C12orf50: variants seen among roughly 807,000 people sequenced by gnomAD.
C12orf50 encodes zinc finger CCCH-type containing 11D, also known as uncharacterized protein C12orf50.
Under a neutral mutation model 61.6 loss-of-function variants are expected in C12orf50, and 35 were observed. The observed-to-expected ratio is 0.57, with a 90% CI of 0.43 to 0.75. The LOEUF (loss-of-function observed/expected upper bound fraction) is 0.75. Ranked by LOEUF, C12orf50 falls within the 30% of genes least tolerant of loss-of-function variation. The pLI is 0.00. For missense variants in C12orf50, 475 were observed against 488.5 expected, an observed-to-expected ratio of 0.97 and a Z score of 0.26; for synonymous variants, 178 against 161.5, an observed-to-expected ratio of 1.10 and a Z score of -0.77.
intron 1 of C12orf50, 191 bp downstream of exon 1, chr12:88,029,149 G>GTT (rs745556918): frequency 1.8e-3 from 1,825 of 1,008,864 alleles, no homozygotes; most frequent in South Asian, 2.9e-3. Context: ...TAATCCAATG[G>GTT]TTTTTTTTTT....
chr12:88,007,761 TGAA>T (rs1258816824), intron 3 of C12orf50, among the ~76,000 whole-genome samples: 1 of 152,172 alleles, frequency 6.6e-6, no homozygotes, highest in Non-Finnish European at 1.5e-5. Flanking sequence ...ATTCACCTAA[TGAA>T]GAGGTAATTT....
At chr12:88,024,187 A>C (rs1157763361) in intron 3 of C12orf50, among the ~76,000 whole-genome samples, 1 of 152,214 alleles carries the variant, frequency 6.6e-6, no homozygotes, top group Admixed American at 6.5e-5. Flanking sequence ...GTAGGAATGT[A>C]AATTGGTCCA....
Position 87,987,931 on chromosome 12 carries a change from T to C in C12orf50, c.736A>G (p.Thr246Ala). The change falls in exon 9 of 13, where the codon ACT (threonine) becomes GCT (alanine). Residue 246 changes from threonine to alanine, a missense_variant. Coordinates refer to ENST00000298699, the MANE Select transcript of C12orf50 (RefSeq NM_152589.3). ...TGCGTTGTAGGTACTAGTCGGGTAG[T>C]TAGGGAATGCTTTGGATGAGGACTG... is the stretch of plus-strand genomic sequence containing the variant. ...KDSPHPKHSL[T>A]TRLVPTTHVL... 6.2e-7 allele frequency: 1 copy of C among 1,611,034 alleles called. No individual in the cohort carries two copies. The highest frequency in any genetic ancestry group is 1.7e-4 in the Middle Eastern group (1 of 6,046).
intron 6 of C12orf50, among the ~76,000 whole-genome samples, chr12:87,995,894 AG>A (rs2031365154): frequency 6.6e-6 from 1 of 152,234 alleles, no homozygotes. Flanking sequence ...CGCCATAAAA[AG>A]CAGAGCCTTC....
Position 87,985,911 on chromosome 12 carries a change from G to A in C12orf50, c.1065C>T (p.Pro355=). 1 of 1,613,788 alleles carries A rather than the reference G, an allele frequency of 6.2e-7. No individual in the cohort carries two copies. Among genetic ancestry groups the A allele is most frequent in the Non-Finnish European group, 8.5e-7 (1 of 1,179,884 alleles). The change falls in exon 11 of 13, where the codon CCC becomes CCT. Residue 355 remains proline (P), a synonymous_variant. Transcript: ENST00000298699. The part of the protein sequence containing the change: ...VALNAPSRSR[P]THGSYNKVHA... Reference sequence around the variant, plus strand: ...GGACTTTATTGTAGGACCCATGCGTGGGCCTGCTGCGGGAAGGTGCATTCA... The same window carrying A: ...GGACTTTATTGTAGGACCCATGCGTAGGCCTGCTGCGGGAAGGTGCATTCA...
chr12:88,021,098 CAACTT>C (rs967931781), intron 3 of C12orf50, among the ~76,000 whole-genome samples: 3 of 152,030 alleles, frequency 2.0e-5, no homozygotes, highest in African/African-American at 7.2e-5. Context: ...CTCAAATTAA[CAACTT>C]AACATCACAA....
chr12:87,988,627 C>T (rs1460094828), intron 8 of C12orf50, among the ~76,000 whole-genome samples: 2 of 152,038 alleles, frequency 1.3e-5, no homozygotes, highest in South Asian at 2.1e-4. Context: ...CAATTTTCCA[C>T]GAAAATGATT....
Position 87,983,194 on chromosome 12 carries a change from G to T in C12orf50, c.1128C>A (p.Asp376Glu), listed in dbSNP as rs150278833. ...NREPKPNLSP[D>E]KYTSTSYNDS... ...CATTATATGATGTTGACGTATATTT[G>T]TCTGAGGGAAAAAAATCCAGAATTA... Residue 376 changes from aspartate to glutamate, a missense_variant and splice_region_variant, in exon 12 of 13, where the codon GAC (aspartate) becomes GAA (glutamate). By Grantham distance (45) the Asp-to-Glu change is conservative (BLOSUM62 2). Coordinates refer to ENST00000298699, the MANE Select transcript of C12orf50 (RefSeq NM_152589.3). 1 of 1,575,718 alleles carries T rather than the reference G, an allele frequency of 6.3e-7. No individual in the cohort carries two copies.
intron 8 of C12orf50, among the ~76,000 whole-genome samples, chr12:87,988,362 G>T: frequency 6.6e-6 from 1 of 152,114 alleles, no homozygotes; most frequent in South Asian, 2.1e-4. Flanking sequence ...CCTTAGTAGG[G>T]CTTTCCACAA....
At chr12:88,021,721 G>A (rs570274635) in intron 3 of C12orf50, among the ~76,000 whole-genome samples, 3 of 151,858 alleles carry the variant, frequency 2.0e-5, no homozygotes, top group African/African-American at 7.2e-5. Context: ...CACCTCTATG[G>A]GTACAAACTA....
In C12orf50 at chr12:87,994,625, TAACTC is replaced by T. The variant is rs771616901; in HGVS notation, c.592+3_592+7del. 2 of 1,569,070 alleles carry T rather than the reference TAACTC, an allele frequency of 1.3e-6. No homozygotes were observed. Among genetic ancestry groups the T allele is most frequent in the Admixed American group, 1.7e-5 (1 of 59,766 alleles). On this transcript the variant is annotated splice_donor_5th_base_variant and intron_variant, in intron 7 of 12. Transcript: ENST00000298699. ...TATTCAGGGTCAATCAGTAATAAATTAACTCACCTCCATTTTCAAAAGCAGCAATG... is the reference window on the plus strand; with the variant it reads ...TATTCAGGGTCAATCAGTAATAAATTACCTCCATTTTCAAAAGCAGCAATG...
At chr12:87,995,705 AGCAGTGCTG>A (rs1257919798) in intron 6 of C12orf50, among the ~76,000 whole-genome samples, 1 of 151,936 alleles carries the variant, frequency 6.6e-6, no homozygotes, top group African/African-American at 2.4e-5. Context: ...TTCTTCTCTG[AGCAGTGCTG>A]GCCTGCAATC....
At chr12:88,027,126 C>A in intron 1 of C12orf50, 56 bp from the exon 2 acceptor site, 1 of 1,499,752 alleles carries the variant, frequency 6.7e-7, no homozygotes. Flanking sequence ...TAGTGTTCAA[C>A]AACAATAGGT....
rs1429296097 is a variant in C12orf50 at position 87,987,943 on chromosome 12, T to A, written c.724A>T (p.Lys242Ter). 1 of 1,608,254 alleles carries A rather than the reference T, an allele frequency of 6.2e-7. No individual in the cohort carries two copies. The highest frequency in any genetic ancestry group is 2.2e-5 in the East Asian group (1 of 44,746). The change falls in exon 9 of 13, where the codon AAG becomes TAG. Residue 242 changes from lysine (K) to a stop codon, truncating the protein, a stop_gained. Coordinates refer to ENST00000298699, the MANE Select transcript of C12orf50 (RefSeq NM_152589.3). LOFTEE classifies it high-confidence loss of function. The part of the protein sequence containing the change: ...TKDNKDSPHP[K>*]HSLTTRLVPT... ...ACTAGTCGGGTAGTTAGGGAATGCT[T>A]TGGATGAGGACTGTCCTTGTTATCT...
intron 9 of C12orf50, 103 bp downstream of exon 9, chr12:87,987,747 C>T (rs1055742957): frequency 3.9e-6 from 3 of 775,870 alleles, no homozygotes; most frequent in Non-Finnish European, 6.4e-6. Context: ...AATTTTTAAA[C>T]CTTTTTTCTT....
chr12:88,015,317 A>G (rs2032271702), intron 3 of C12orf50, among the ~76,000 whole-genome samples: 1 of 152,264 alleles, frequency 6.6e-6, no homozygotes, highest in South Asian at 2.1e-4. Flanking sequence ...TGGCTTTTCA[A>G]AACTTTAACT....
At chr12:88,012,050 G>A (rs990805587) in intron 3 of C12orf50, among the ~76,000 whole-genome samples, 16 of 152,170 alleles carry the variant, frequency 1.1e-4, no homozygotes, top group Admixed American at 8.5e-4. Context: ...AACCAACAGA[G>A]CTGTTTTGTT....
At chr12:88,026,645 G>C (rs777250150) in intron 2 of C12orf50, 37 bp from the exon 3 acceptor site, 9 of 1,605,506 alleles carry the variant, frequency 5.6e-6, no homozygotes, top group South Asian at 3.3e-5. Context: ...GTAATGATTA[G>C]ATGCCATATT....
intron 3 of C12orf50, 63 bp downstream of exon 3, chr12:88,026,425 T>C (rs2032709021): frequency 1.9e-6 from 3 of 1,548,822 alleles, no homozygotes; most frequent in South Asian, 1.2e-5. Context: ...TGTCATTCTA[T>C]GCTGCTAGTC....
Sources: gnomAD v4.1 joint callset for allele counts (sites outside exome capture counted in the v4.1 genomes callset) on GRCh38, gnomAD v4.1.1 for gene constraint, MANE v1.5 for transcripts, NCBI Gene and HGNC (gene_info 2026-07-23, HGNC 2026-07-21) for gene names.